The following KLRG1 variants were observed in gnomAD, a reference collection of about 807,000 sequenced individuals.
KLRG1 encodes killer cell lectin like receptor G1, also known as killer cell lectin-like receptor subfamily G member 1.
A neutral mutation model predicts 21.8 loss-of-function variants in KLRG1; 16 were observed. The observed-to-expected ratio is 0.73, with a 90% CI of 0.50 to 1.11. The LOEUF is 1.11. Ranked by LOEUF, KLRG1 falls within the 50% of genes most tolerant of loss-of-function variation. The pLI, the probability that KLRG1 is intolerant of heterozygous loss-of-function variation, is 0.00. For missense variants in KLRG1, 173 were observed against 218.3 expected (o/e 0.79, Z 1.31); for synonymous variants, 69 against 75.9 (o/e 0.91, Z 0.47).
At chr12:9,147,621 G>C in the KLRG1 span, among the ~76,000 whole-genome samples, 1 of 151,948 alleles carries the variant, frequency 6.6e-6, no homozygotes, top group South Asian at 2.1e-4. Context: ...TGTGGGACAG[G>C]GGGGAAGCCT....
At chr12:9,194,671 A>T in the KLRG1 span, among the ~76,000 whole-genome samples, 1 of 151,960 alleles carries the variant, frequency 6.6e-6, no homozygotes, top group Admixed American at 6.6e-5. Flanking sequence ...TCACCATGTT[A>T]GCCAGGATGG....
the KLRG1 span, among the ~76,000 whole-genome samples, chr12:9,055,040 A>T: frequency 6.6e-6 from 1 of 152,224 alleles, no homozygotes; most frequent in Admixed American, 6.5e-5. Flanking sequence ...TACTTCTCCA[A>T]TAACACGTGA....
chr12:9,080,979 A>G, the KLRG1 span, among the ~76,000 whole-genome samples: 1 of 152,180 alleles, frequency 6.6e-6, no homozygotes, highest in Admixed American at 6.5e-5. Flanking sequence ...ATTTACTACA[A>G]TTTTAGTATT....
chr12:9,066,974 G>A, the KLRG1 span: 61 of 152,124 alleles, frequency 4.0e-4, 1 homozygote, highest in African/African-American at 1.3e-3. Flanking sequence ...AATATATGTC[G>A]CAATACTTAC....
chr12:9,068,843 C>T, the KLRG1 span: 1 of 1,584,624 alleles, frequency 6.3e-7, no homozygotes, highest in African/African-American at 1.3e-5. Flanking sequence ...GATTTGACAC[C>T]TGGAAAGCAA....
the KLRG1 span, chr12:9,099,649 A>T: frequency 8.4e-7 from 1 of 1,187,140 alleles, no homozygotes; most frequent in African/African-American, 1.6e-5. Context: ...CTCTAGCTTT[A>T]GAAAAAAACC....
intron 1 of KLRG1, among the ~76,000 whole-genome samples, chr12:8,962,256 T>C (rs1946394004): frequency 6.6e-6 from 1 of 151,736 alleles, no homozygotes; most frequent in South Asian, 2.1e-4. Flanking sequence ...TTGAACATGG[T>C]GAAGAGAAAA....
the KLRG1 span, among the ~76,000 whole-genome samples, chr12:9,023,722 A>C: frequency 6.6e-6 from 1 of 151,946 alleles, no homozygotes; most frequent in Non-Finnish European, 1.5e-5. Context: ...TGCCTGGCCA[A>C]TTAAAAAAAA....
chr12:9,133,677 G>A, the KLRG1 span, among the ~76,000 whole-genome samples: 1 of 152,158 alleles, frequency 6.6e-6, no homozygotes, highest in African/African-American at 2.4e-5. Context: ...ATTATAGGCA[G>A]AGGGAAGCAT....
chr12:8,968,682 T>C (rs1407941200), intron 1 of KLRG1, among the ~76,000 whole-genome samples: 1 of 152,182 alleles, frequency 6.6e-6, no homozygotes, highest in Non-Finnish European at 1.5e-5. Flanking sequence ...GCACACAGAC[T>C]TTTACCAAGA....
chr12:9,157,751 T>C, the KLRG1 span: 1 of 1,605,688 alleles, frequency 6.2e-7, no homozygotes, highest in South Asian at 1.1e-5. Context: ...GGGAATGGGA[T>C]TGAGCTGGTA....
At chr12:9,059,561 C>T in the KLRG1 span, among the ~76,000 whole-genome samples, 1 of 152,140 alleles carries the variant, frequency 6.6e-6, no homozygotes, top group South Asian at 2.1e-4. Flanking sequence ...TAGACAGCTC[C>T]CTGTGTAACT....
At chr12:8,995,686 CTTTTT>C (rs34680435) in intron 3 of KLRG1, among the ~76,000 whole-genome samples, 1 of 141,496 alleles carries the variant, frequency 7.1e-6, no homozygotes, top group Non-Finnish European at 1.5e-5. Context: ...GCAGCAGATT[CTTTTT>C]TTTTTTTTTT....
chr12:8,988,078 A>C (rs1946874395), upstream of KLRG1, among the ~76,000 whole-genome samples: 1 of 152,148 alleles, frequency 6.6e-6, no homozygotes. Context: ...GTTTTGTCCT[A>C]TGTCTGCGCA....
At chr12:9,215,285 G>A in the KLRG1 span, among the ~76,000 whole-genome samples, 1 of 151,906 alleles carries the variant, frequency 6.6e-6, no homozygotes, top group Non-Finnish European at 1.5e-5. Context: ...GACTGTACCA[G>A]TGGCTTGAGG....
chr12:9,028,966 C>T, the KLRG1 span: 3 of 623,036 alleles, frequency 4.8e-6, no homozygotes, highest in Non-Finnish European at 9.1e-6. Context: ...ACGGCACAGT[C>T]CGTGAGCGTT....
the KLRG1 span, chr12:9,093,627 C>T: frequency 9.6e-7 from 1 of 1,044,368 alleles, no homozygotes; most frequent in Admixed American, 3.0e-5. Context: ...ACAGATAAAG[C>T]TTATGAGAGA....
At chr12:9,093,233 TTAGGTGTGCTTGCTATGCACACAAAAA>T in the KLRG1 span, among the ~76,000 whole-genome samples, 1 of 152,152 alleles carries the variant, frequency 6.6e-6, no homozygotes, top group East Asian at 1.9e-4. Context: ...AGGATAGATT[TTAGGTGTGCTTGCTATGCACACAAAAA>T]TAGGTAACAA....
At chr12:9,123,120 T>C in the KLRG1 span, among the ~76,000 whole-genome samples, 2 of 152,226 alleles carry the variant, frequency 1.3e-5, no homozygotes, top group Non-Finnish European at 2.9e-5. Context: ...TTTTAGGACA[T>C]AATTTTATAA....
Sources: allele counts gnomAD v4.1 joint callset (sites outside exome capture counted in the v4.1 genomes callset), GRCh38; gene constraint gnomAD v4.1.1; transcripts MANE v1.5; gene names NCBI Gene and HGNC (gene_info 2026-07-23, HGNC 2026-07-21).